FBXL18: variants seen among roughly 807,000 people sequenced by gnomAD.
The protein encoded by FBXL18 is F-box/LRR-repeat protein 18.
FBXL18 carries 36 observed loss-of-function variants against 46.0 expected under a neutral mutation model. The ratio of observed to expected loss-of-function variants is 0.78; its 90% CI spans 0.60 to 1.03. The LOEUF (loss-of-function observed/expected upper bound fraction) is 1.03, where lower values mean the gene tolerates loss of function less well. Among genes scored for constraint, FBXL18 ranks in the 50% least tolerant of loss-of-function variants. FBXL18 has a pLI of 0.00. For missense variants in FBXL18, 977 were observed against 1,004.1 expected (o/e 0.97, Z 0.36); for synonymous variants, 557 against 465.3 (o/e 1.20, Z -2.54).
At chr7:5,468,746 G>A (rs1460059242) in intron 4 of FBXL18, among the ~76,000 whole-genome samples, 3 of 152,070 alleles carry the variant, frequency 2.0e-5, no homozygotes, top group East Asian at 3.9e-4. Flanking sequence ...GACTACAGAC[G>A]CGCACCACCA....
chr7:5,484,502 A>T (rs1584205940), intron 4 of FBXL18, among the ~76,000 whole-genome samples: 1 of 146,098 alleles, frequency 6.8e-6, no homozygotes, highest in Non-Finnish European at 1.5e-5. Context: ...TGCTGTCGGG[A>T]CATGGAAGGT....
intron 3 of FBXL18, 74 bp from the exon 4 acceptor site, chr7:5,491,523 G>A (rs962712409): frequency 1.5e-6 from 2 of 1,298,436 alleles, no homozygotes; most frequent in Non-Finnish European, 2.1e-6. Flanking sequence ...GTCTGGAGGT[G>A]CTGCCAGTGG....
rs994705883 is a variant in FBXL18 at position 5,490,273 on chromosome 7, C to A, written c.2000+958G>T. The stretch of plus-strand genomic sequence containing the variant: ...TGCTGCCCCCTTGGCCGGGCGCACG[C>A]CTCTCTCAGGAGCCCTGATCACTCC... On this transcript the variant is annotated intron_variant, in intron 4 of 4. Transcript: ENST00000382368. The A allele has an allele frequency of 3.2e-6, 4 of 1,256,912 alleles. No individual in the cohort carries two copies. In the Admixed American group the frequency reaches 7.9e-5, roughly 25 times the overall value. 77.9% of individuals were successfully genotyped at this position (1,256,912 alleles called of 1,614,324 possible).
At chr7:5,484,662 G>A (rs1334344198) in intron 4 of FBXL18, among the ~76,000 whole-genome samples, 1 of 138,234 alleles carries the variant, frequency 7.2e-6, no homozygotes, top group Admixed American at 7.4e-5. Flanking sequence ...TTTTTGAGAC[G>A]CAGTCTTACT....
intron 2 of FBXL18, among the ~76,000 whole-genome samples, chr7:5,502,958 C>T (rs1000473064): frequency 1.3e-5 from 2 of 152,206 alleles, no homozygotes; most frequent in Non-Finnish European, 2.9e-5. Context: ...CTCAGCCTCC[C>T]TACTCTGTGC....
At chr7:5,493,609 A>T (rs559710530) in intron 3 of FBXL18, among the ~76,000 whole-genome samples, 323 of 151,548 alleles carry the variant, frequency 2.1e-3, no homozygotes, top group African/African-American at 7.2e-3. Context: ...TTTTTTTTTT[A>T]AAAGAATAAA....
At chr7:5,512,290 T>G (rs1391400874) in intron 1 of FBXL18, among the ~76,000 whole-genome samples, 9 of 98,086 alleles carry the variant, frequency 9.2e-5, no homozygotes, top group African/African-American at 1.7e-4. Flanking sequence ...CCATGTGAAG[T>G]GTTATTTAAA....
rs1304092215 is a variant in FBXL18 at position 5,512,231 on chromosome 7, C to T, written c.18+1426G>A. On this transcript the variant is annotated intron_variant, in intron 1 of 4. Transcript: ENST00000382368. The stretch of plus-strand genomic sequence containing the variant: ...CTGCACTCCACCCTGGGCAACAGAG[C>T]GAGACTCCGTCTCAAAAAAAAAAAA... Among the ~76,000 whole-genome samples, 12 of 139,988 alleles carry T rather than the reference C, an allele frequency of 8.6e-5. 1 individual carries two copies. In the Admixed American group the frequency reaches 9.7e-4, roughly 11 times the overall value. The allele number at this position is 139,988 out of a possible 152,430, so 91.8% of individuals were successfully genotyped here. A position where few individuals can be genotyped will look rare whatever the true frequency, so the allele number is the denominator to read the frequency against.
intron 1 of FBXL18, among the ~76,000 whole-genome samples, chr7:5,506,128 G>C (rs2346232): frequency 0.25 from 38,356 of 151,932 alleles, 5,067 homozygotes; most frequent in Middle Eastern, 0.3. Context: ...CCTCCCAAAG[G>C]GTGTTTTGTT....
chr7:5,501,684 C>T lies in FBXL18; in HGVS notation c.585G>A (p.Glu195=). ...GAATCTCGAAGTAGAGCAGCAGCTTCTCTAGGCTGGTGCAGCAGGGCACCA... is the reference window on the plus strand; with the variant it reads ...GAATCTCGAAGTAGAGCAGCAGCTTTTCTAGGCTGGTGCAGCAGGGCACCA... ...YGVVPCCTSL[E]KLLLYFEILD... is the part of the protein sequence containing the mutation. The change falls in exon 3 of 5, where the codon GAG becomes GAA. Residue 195 remains glutamate (E), a synonymous_variant. Transcript: ENST00000382368. 6.2e-7 allele frequency: 1 copy of T among 1,606,694 alleles called. No individual in the cohort carries two copies. Among genetic ancestry groups the T allele is most frequent in the East Asian group, 2.2e-5 (1 of 44,544 alleles).
At chr7:5,502,623 G>A (rs1562703748) in intron 2 of FBXL18, among the ~76,000 whole-genome samples, 1 of 152,104 alleles carries the variant, frequency 6.6e-6, no homozygotes, top group Admixed American at 6.6e-5. Flanking sequence ...CTGAGGTCAG[G>A]AGGTCGAGAC....
In FBXL18 at chr7:5,455,799, C is replaced by T. The variant is rs564195789; in HGVS notation, c.2001-7956G>A. 6.7e-6 allele frequency among the ~76,000 whole-genome samples: 1 copy of T among 148,362 alleles called. No individual in the cohort carries two copies. Among genetic ancestry groups the T allele is most frequent in the East Asian group, 2.9e-4 (1 of 3,498 alleles). ...ACACACACACACACCACTTCCATGG[C>T]GCCAGGAGAGAGTTTGGTCCTTCAG... On this transcript the variant is annotated intron_variant and NMD_transcript_variant, in intron 4 of 6. Coordinates refer to the FBXL18 transcript ENST00000415009. This position sits in a 1 kb window ranked among gnomAD's most constrained non-coding sequence, Gnocchi z 4.6.
chr7:5,465,551 G>A (rs920683381), intron 4 of FBXL18, among the ~76,000 whole-genome samples: 17 of 151,706 alleles, frequency 1.1e-4, no homozygotes, highest in African/African-American at 3.1e-4. Flanking sequence ...CATAGCTCAC[G>A]GCAGCTTTGA....
At chr7:5,511,898 A>G (rs1584250496) in intron 1 of FBXL18, among the ~76,000 whole-genome samples, 1 of 152,066 alleles carries the variant, frequency 6.6e-6, no homozygotes, top group East Asian at 1.9e-4. Context: ...CCTGAGCAAC[A>G]CAGTCACACC....
At position 5,513,554 on chromosome 7, in the gene FBXL18, T is replaced by C. The variant is rs905742342; in HGVS notation, c.18+103A>G. 4 of 1,317,670 alleles carry C rather than the reference T, an allele frequency of 3.0e-6. No individual in the cohort carries two copies. The African/African-American group carries it at 5.9e-5, about 20-fold the overall frequency. The allele number at this position is 1,317,670 out of a possible 1,614,324, so 81.6% of individuals were successfully genotyped here. A position where few individuals can be genotyped will look rare whatever the true frequency, so the allele number is the denominator to read the frequency against. The stretch of plus-strand genomic sequence containing the variant: ...TGGGAAGGACGGGGCGGGGTAGGGG[T>C]CGGGATAGAAAGGATGCAAGGGAAC... On this transcript the variant is annotated intron_variant, in intron 1 of 4. Coordinates refer to ENST00000382368, the MANE Select transcript of FBXL18 (RefSeq NM_024963.6).
intron 4 of FBXL18, among the ~76,000 whole-genome samples, chr7:5,464,700 TAAA>T (rs11343614): frequency 5.8e-5 from 5 of 86,562 alleles, no homozygotes; most frequent in Non-Finnish European, 8.2e-5. Flanking sequence ...GATGGTTAAT[TAAA>T]AAAAAAAAAA....
At chr7:5,465,729 G>T (rs190964144) in intron 4 of FBXL18, among the ~76,000 whole-genome samples, 1 of 152,146 alleles carries the variant, frequency 6.6e-6, no homozygotes, top group East Asian at 1.9e-4. Flanking sequence ...TGGGTACTAT[G>T]TTCGCTATTT....
At chr7:5,460,343 GAAACACTCTGC>G (rs1320912589) in intron 4 of FBXL18, among the ~76,000 whole-genome samples, 2 of 152,202 alleles carry the variant, frequency 1.3e-5, no homozygotes, top group African/African-American at 4.8e-5. Context: ...ATATAATCAT[GAAACACTCTGC>G]AAATACAAAG....
At chr7:5,471,431 C>T (rs35561354), downstream of FBXL18, among the ~76,000 whole-genome samples, 1,580 of 152,324 alleles carry the variant, frequency 0.01, 11 homozygotes, top group Non-Finnish European at 0.017. Context: ...CGCCCGCCAC[C>T]ACACCCAGTT....
Sources: allele counts gnomAD v4.1 joint callset (sites outside exome capture counted in the v4.1 genomes callset), GRCh38; gene constraint gnomAD v4.1.1; non-coding constraint Gnocchi (gnomAD v3.1); transcripts MANE v1.5; gene names NCBI Gene and HGNC (gene_info 2026-07-23, HGNC 2026-07-21).